The following DAD1 variants were observed in gnomAD, a reference collection of about 807,000 sequenced individuals.
DAD1 encodes defender against cell death 1.
In DAD1, 4 loss-of-function variants were observed where a neutral mutation model predicts 9.0. The observed-to-expected ratio is 0.44, with a 90% CI of 0.22 to 1.01. DAD1 has a LOEUF of 1.01. DAD1 is among the 50% of genes least tolerant of loss of function. DAD1 has a pLI of 0.24. For missense variants in DAD1, 119 were observed against 137.3 expected, an observed-to-expected ratio of 0.87 and a Z score of 0.67; for synonymous variants, 60 against 62.5, an observed-to-expected ratio of 0.96 and a Z score of 0.19.
intron 2 of DAD1, among the ~76,000 whole-genome samples, chr14:22,573,467 A>C (rs906960036): frequency 6.6e-6 from 1 of 152,000 alleles, no homozygotes; most frequent in Non-Finnish European, 1.5e-5. Context: ...AAAGTTTTTC[A>C]CTGTTGGGAG....
At position 22,588,963 on chromosome 14, in the gene DAD1, C is replaced by T. The variant is rs148798535; in HGVS notation, c.195G>A (p.Gly65=). 40 of 1,614,014 alleles carry T rather than the reference C, an allele frequency of 2.5e-5. No individual in the cohort carries two copies. In the African/African-American group the frequency reaches 5.1e-4, roughly 20 times the overall value. The change falls in exon 1 of 3, where the codon GGG becomes GGA. Residue 65 remains glycine, a synonymous_variant. Coordinates refer to ENST00000250498, the MANE Select transcript of DAD1 (RefSeq NM_001344.4). ...SFLSGFISCV[G]SFILAVCLRI... is the part of the protein sequence containing the mutation. The stretch of plus-strand genomic sequence containing the variant: ...AACCATTACCCGCTAGGATGAAACT[C>T]CCCACACAAGAGATGAAGCCCGAGA...
chr14:22,574,083 A>C (rs1161105770), intron 2 of DAD1, among the ~76,000 whole-genome samples: 2 of 152,212 alleles, frequency 1.3e-5, no homozygotes, highest in African/African-American at 4.8e-5. Context: ...TACCACCCAG[A>C]ACATTACATT....
chr14:22,574,352 G>A (rs983805879), intron 2 of DAD1, among the ~76,000 whole-genome samples: 1 of 152,098 alleles, frequency 6.6e-6, no homozygotes, highest in Non-Finnish European at 1.5e-5. Context: ...ATTTAGGGGA[G>A]GGCGTACCAT....
chr14:22,579,762 A>T (rs1159640716), intron 1 of DAD1, among the ~76,000 whole-genome samples: 1 of 152,144 alleles, frequency 6.6e-6, no homozygotes, highest in Non-Finnish European at 1.5e-5. Flanking sequence ...CCATGCAATT[A>T]TTCAAAAGAA....
rs1315929570 is a variant in DAD1 at position 22,589,192 on chromosome 14, A to G, written c.-35T>C. 3 of 1,608,596 alleles carry G rather than the reference A, an allele frequency of 1.9e-6. No homozygotes were observed. Among genetic ancestry groups the G allele is most frequent in the African/African-American group, 2.7e-5 (2 of 74,736 alleles). Reference sequence around the variant, plus strand: ...CAAGGTACTCCGGTCCGCGCCCCAAACTCTTGGAGGACCCGTCGACCACAC... The same window carrying G: ...CAAGGTACTCCGGTCCGCGCCCCAAGCTCTTGGAGGACCCGTCGACCACAC... On this transcript the variant is annotated 5_prime_UTR_variant, in exon 1 of 3. Coordinates refer to ENST00000250498, the MANE Select transcript of DAD1 (RefSeq NM_001344.4).
chr14:22,571,618 A>C (rs948111917), intron 2 of DAD1, among the ~76,000 whole-genome samples: 1 of 140,538 alleles, frequency 7.1e-6, no homozygotes, highest in African/African-American at 2.7e-5. Flanking sequence ...ATTTCTAGCA[A>C]GGGGCTCTTT....
chr14:22,568,795 TCAAG>T (rs1435946587), intron 2 of DAD1, among the ~76,000 whole-genome samples: 3 of 150,706 alleles, frequency 2.0e-5, no homozygotes, highest in African/African-American at 7.4e-5. Flanking sequence ...CCTCCCACGC[TCAAG>T]CAATCCTTCC....
chr14:22,588,901 C>T (rs1325696946), intron 1 of DAD1, 46 bp downstream of exon 1: 9 of 1,595,760 alleles, frequency 5.6e-6, no homozygotes, highest in Non-Finnish European at 7.7e-6. Context: ...AAAAGCAGCA[C>T]ACCAAAGTAA....
intron 2 of DAD1, among the ~76,000 whole-genome samples, chr14:22,573,694 A>C (rs181234485): frequency 8.0e-5 from 11 of 137,124 alleles, no homozygotes; most frequent in African/African-American, 3.1e-4. Context: ...TGGGTAACAG[A>C]GCGAGACTCC....
chr14:22,578,215 T>C (rs928105884), intron 1 of DAD1, among the ~76,000 whole-genome samples: 1 of 148,750 alleles, frequency 6.7e-6, no homozygotes, highest in Non-Finnish European at 1.5e-5. Flanking sequence ...ATCGTGCCAT[T>C]GCACTCTAGC....
At chr14:22,581,709 C>CTCCAGCCT (rs1291134029) in intron 1 of DAD1, among the ~76,000 whole-genome samples, 1 of 139,708 alleles carries the variant, frequency 7.2e-6, no homozygotes, top group African/African-American at 2.7e-5. Context: ...TGCCATTGCA[C>CTCCAGCCT]TCCAGCCTGG....
chr14:22,584,969 G>GCAATGATATGAAAGATATTTAGAAC (rs1327608084), intron 1 of DAD1, among the ~76,000 whole-genome samples: 1 of 152,236 alleles, frequency 6.6e-6, no homozygotes, highest in Non-Finnish European at 1.5e-5. Flanking sequence ...TGAAAAAGTA[G>GCAATGATATGAAAGATATTTAGAAC]CAATGATATG....
intron 1 of DAD1, among the ~76,000 whole-genome samples, chr14:22,585,918 C>A (rs1256145343): frequency 2.0e-5 from 3 of 152,196 alleles, no homozygotes; most frequent in Non-Finnish European, 4.4e-5. Context: ...TAAAAAAGCA[C>A]CCTCAGTGCC....
chr14:22,573,477 G>A (rs1403236358), intron 2 of DAD1, among the ~76,000 whole-genome samples: 1 of 151,914 alleles, frequency 6.6e-6, no homozygotes. Flanking sequence ...ACTGTTGGGA[G>A]GCCAAGGCGG....
intron 1 of DAD1, among the ~76,000 whole-genome samples, chr14:22,577,635 C>T (rs5742779): frequency 0.7 from 106,238 of 152,144 alleles, 38,795 homozygotes; most frequent in African/African-American, 0.93. Flanking sequence ...TGCTACAACA[C>T]GGCTGAATCT....
chr14:22,574,457 G>C (rs1050404439), intron 2 of DAD1, among the ~76,000 whole-genome samples: 2 of 152,124 alleles, frequency 1.3e-5, no homozygotes, highest in Admixed American at 1.3e-4. Flanking sequence ...GATTCTTTTT[G>C]TAAGAGTTTG....
intron 1 of DAD1, among the ~76,000 whole-genome samples, chr14:22,581,277 A>C (rs117059425): frequency 0.014 from 2,127 of 152,344 alleles, 18 homozygotes; most frequent in Non-Finnish European, 0.022. Context: ...AAGAAAATAA[A>C]ACAGGATAAT....
chr14:22,581,870 A>G (rs553034543), intron 1 of DAD1, among the ~76,000 whole-genome samples: 12 of 152,120 alleles, frequency 7.9e-5, no homozygotes, highest in African/African-American at 2.4e-4. Context: ...GGATTCAGTT[A>G]TAAGAGCGGT....
At chr14:22,573,709 C>CA (rs553176098) in intron 2 of DAD1, among the ~76,000 whole-genome samples, 3,611 of 43,616 alleles carry the variant, frequency 0.083, 185 homozygotes, top group Middle Eastern at 0.15. Context: ...GACTCCATCT[C>CA]AAAAAAAAAA....
Sources: gnomAD v4.1 joint callset for allele counts (sites outside exome capture counted in the v4.1 genomes callset) on GRCh38, gnomAD v4.1.1 for gene constraint, MANE v1.5 for transcripts, NCBI Gene and HGNC (gene_info 2026-07-23, HGNC 2026-07-21) for gene names.